Variants in MBNL2 observed in about 807,000 individuals in gnomAD.
MBNL2 encodes muscleblind like splicing regulator 2.
In MBNL2, 17 loss-of-function variants were observed where a neutral mutation model predicts 41.9. The observed-to-expected ratio is 0.41, with a 90% CI of 0.28 to 0.61. The LOEUF (loss-of-function observed/expected upper bound fraction) is 0.61. Among genes scored for constraint, MBNL2 ranks in the 20% least tolerant of loss-of-function variants. The pLI, the probability that MBNL2 is intolerant of heterozygous loss-of-function variation, is 0.35. For synonymous variants in MBNL2, 195 were observed against 182.9 expected, an observed-to-expected ratio of 1.07 and a Z score of -0.53; for missense variants, 336 against 505.6, an observed-to-expected ratio of 0.66 and a Z score of 3.22.
At chr13:97,159,590 T>C in the MBNL2 span, among the ~76,000 whole-genome samples, 4 of 152,006 alleles carry the variant, frequency 2.6e-5, no homozygotes, top group Non-Finnish European at 2.9e-5. Context: ...AGGGCAGGCC[T>C]GGTGGTGACA....
chr13:97,230,362 C>T lies in MBNL2; in HGVS notation c.-605+7831C>T, dbSNP rs370632462. 8.5e-5 allele frequency among the ~76,000 whole-genome samples: 13 copies of T among 152,080 alleles called. No individual in the cohort carries two copies. The South Asian group carries it at 1.9e-3, about 22-fold the overall frequency. On this transcript the variant is annotated intron_variant, in intron 1 of 8. Coordinates refer to ENST00000679496, the MANE Select transcript of MBNL2 (RefSeq NM_001382683.1). The stretch of plus-strand genomic sequence containing the variant: ...GGGAATAGGGTTGAAGGAGGGTGGG[C>T]GATGATGAGTTTTTAGACTTGAGAA...
At chr13:97,239,804 C>G (rs2043936092) in intron 1 of MBNL2, among the ~76,000 whole-genome samples, 1 of 152,222 alleles carries the variant, frequency 6.6e-6, no homozygotes, top group Non-Finnish European at 1.5e-5. Context: ...ACAAAATGTA[C>G]AGCACGTCTG....
At chr13:97,242,539 T>G (rs1224135774) in intron 1 of MBNL2, among the ~76,000 whole-genome samples, 1 of 152,108 alleles carries the variant, frequency 6.6e-6, no homozygotes, top group Non-Finnish European at 1.5e-5. Context: ...ACCCTGAACT[T>G]GTGATTTTGC....
At chr13:97,246,471 G>A (rs924013982) in intron 1 of MBNL2, among the ~76,000 whole-genome samples, 5 of 152,158 alleles carry the variant, frequency 3.3e-5, no homozygotes, top group African/African-American at 7.2e-5. Flanking sequence ...GACTGTTAAC[G>A]TATACAATAA....
chr13:97,161,877 A>C, the MBNL2 span, among the ~76,000 whole-genome samples: 1 of 152,204 alleles, frequency 6.6e-6, no homozygotes, highest in Admixed American at 6.5e-5. Context: ...AAGATAAAAA[A>C]TTTAATGCAG....
At chr13:97,261,657 T>C (rs539994955) in intron 1 of MBNL2, among the ~76,000 whole-genome samples, 1 of 152,330 alleles carries the variant, frequency 6.6e-6, no homozygotes, top group Admixed American at 6.5e-5. Context: ...CTTCTGTAAC[T>C]GCCCACCAAA....
At chr13:97,142,736 C>T in the MBNL2 span, among the ~76,000 whole-genome samples, 1 of 152,172 alleles carries the variant, frequency 6.6e-6, no homozygotes, top group Non-Finnish European at 1.5e-5. Context: ...CTTAAAGGGA[C>T]CCTACCCAAG....
the MBNL2 span, among the ~76,000 whole-genome samples, chr13:97,165,100 A>G: frequency 2.6e-5 from 4 of 152,144 alleles, no homozygotes; most frequent in African/African-American, 9.7e-5. Flanking sequence ...GCTACTCAGG[A>G]GGCTGAGGCA....
Position 97,236,881 on chromosome 13 carries a change from C to T in MBNL2, c.-605+14350C>T, listed in dbSNP as rs188578674. ...ATATACAAAACATCTCCTTGTTTCT[C>T]CCTATTTTTATTTTATTCAAATGCA... On this transcript the variant is annotated intron_variant, in intron 1 of 8. Coordinates refer to ENST00000679496, the MANE Select transcript of MBNL2 (RefSeq NM_001382683.1). Among the ~76,000 whole-genome samples, 38 of 152,238 alleles carry T rather than the reference C, an allele frequency of 2.5e-4. No individual in the cohort carries two copies. The East Asian group carries it at 7.3e-3, about 29-fold the overall frequency.
At chr13:97,279,339 C>A (rs935152474) in intron 2 of MBNL2, among the ~76,000 whole-genome samples, 1 of 152,148 alleles carries the variant, frequency 6.6e-6, no homozygotes, top group Non-Finnish European at 1.5e-5. Context: ...TATATAAAAT[C>A]GATATAATTC....
the MBNL2 span, among the ~76,000 whole-genome samples, chr13:97,203,873 AATGG>A: frequency 0.54 from 80,187 of 149,376 alleles, 23,372 homozygotes; most frequent in Non-Finnish European, 0.65. Flanking sequence ...ATGATAAGTG[AATGG>A]ATGGATGGAT....
chr13:97,334,175 C>CACACACAG lies in MBNL2; in HGVS notation c.175-100_175-99insCACACAGA. On this transcript the variant is annotated intron_variant, in intron 2 of 8. Coordinates refer to ENST00000679496, the MANE Select transcript of MBNL2 (RefSeq NM_001382683.1). The surrounding 1 kb of genome is among the most constrained non-coding windows in gnomAD (Gnocchi z 5.3). Reference sequence around the variant, plus strand: ...ACACACACACACACACACACACACACAGGATCCTTGCTTTTGTGCATAAGA... The same window carrying CACACACAG: ...ACACACACACACACACACACACACACACACACAGAGGATCCTTGCTTTTGTGCATAAGA... 1 of 879,240 alleles carries CACACACAG rather than the reference C, an allele frequency of 1.1e-6. No individual in the cohort carries two copies. Among genetic ancestry groups the CACACACAG allele is most frequent in the Admixed American group, 2.4e-5 (1 of 41,656 alleles). 54.5% of individuals were successfully genotyped at this position (879,240 alleles called of 1,614,324 possible).
At chr13:97,220,330 C>A (rs1006465755), upstream of MBNL2, among the ~76,000 whole-genome samples, 8 of 152,140 alleles carry the variant, frequency 5.3e-5, no homozygotes, top group African/African-American at 9.7e-5. Flanking sequence ...GGTTTCAAAG[C>A]GTCTGGTACA....
chr13:97,149,516 A>G, the MBNL2 span, among the ~76,000 whole-genome samples: 1 of 152,170 alleles, frequency 6.6e-6, no homozygotes, highest in Non-Finnish European at 1.5e-5. Flanking sequence ...CCACAGTCAT[A>G]GCCAATAATA....
chr13:97,292,222 AGT>A, intron 2 of MBNL2, among the ~76,000 whole-genome samples: 1 of 149,206 alleles, frequency 6.7e-6, no homozygotes, highest in African/African-American at 2.5e-5. Flanking sequence ...AAAAAAAAAA[AGT>A]GATTGCTCGA....
chr13:97,175,342 T>C, the MBNL2 span, among the ~76,000 whole-genome samples: 3 of 152,154 alleles, frequency 2.0e-5, no homozygotes, highest in South Asian at 2.1e-4. Flanking sequence ...AAATCTCTTA[T>C]ACAACGAATC....
rs990862117 is a variant in MBNL2, at chr13:97,222,453, G to A, written c.-683G>A. 8 of 398,524 alleles carry A rather than the reference G, an allele frequency of 2.0e-5. No individual in the cohort carries two copies. Among genetic ancestry groups the A allele is most frequent in the Non-Finnish European group, 3.1e-5 (7 of 226,098 alleles). 24.7% of individuals were successfully genotyped at this position (398,524 alleles called of 1,614,324 possible). On this transcript the variant is annotated 5_prime_UTR_variant, in exon 1 of 9. An upstream open reading frame in the 5' UTR gains an earlier in-frame stop. Coordinates refer to ENST00000679496, the MANE Select transcript of MBNL2 (RefSeq NM_001382683.1). ...GGAAGTTTCTTTCTCATGATGCGGT[G>A]GAGAAGCCTCGGCCACTTGGTTCTG...
chr13:97,310,939 A>G (rs1306149444), intron 2 of MBNL2, among the ~76,000 whole-genome samples: 1 of 152,170 alleles, frequency 6.6e-6, no homozygotes, highest in Non-Finnish European at 1.5e-5. Context: ...ACATGTGCTC[A>G]TTGTCTGATA....
chr13:97,388,645 T>C (rs1160862957), intron 8 of MBNL2, among the ~76,000 whole-genome samples: 2 of 152,058 alleles, frequency 1.3e-5, no homozygotes, highest in Non-Finnish European at 2.9e-5. Flanking sequence ...CTGTGCCTCC[T>C]AACAACAGAA....
Sources: gnomAD v4.1 joint callset for allele counts (sites outside exome capture counted in the v4.1 genomes callset) on GRCh38, gnomAD v4.1.1 for gene constraint, Gnocchi (gnomAD v3.1) non-coding constraint, MANE v1.5 for transcripts, NCBI Gene and HGNC (gene_info 2026-07-23, HGNC 2026-07-21) for gene names.